The following PTN variants were observed in gnomAD, a reference collection of about 807,000 sequenced individuals.
PTN encodes heparin affin regulatory protein.
A neutral mutation model predicts 24.1 loss-of-function variants in PTN; 18 were observed. That is an observed-to-expected ratio of 0.75 (90% CI 0.52 to 1.11). The LOEUF is 1.11. PTN is among the 50% of genes least tolerant of loss of function. The pLI is 0.00. For synonymous variants in PTN, 78 were observed against 68.6 expected, an observed-to-expected ratio of 1.14 and a Z score of -0.67; for missense variants, 163 against 198.8, an observed-to-expected ratio of 0.82 and a Z score of 1.08.
At chr7:137,258,989 A>G (rs1484285269) in intron 1 of PTN, among the ~76,000 whole-genome samples, 4 of 152,018 alleles carry the variant, frequency 2.6e-5, no homozygotes, top group Non-Finnish European at 4.4e-5. Context: ...CTTGTTTCTC[A>G]CCCCCTTTTC....
chr7:137,267,140 TTC>T lies in PTN; in HGVS notation c.-1-12168_-1-12167del, dbSNP rs1337595236. 2.6e-5 allele frequency among the ~76,000 whole-genome samples: 4 copies of T among 152,036 alleles called. 1 individual carries two copies. The South Asian group carries it at 6.2e-4, about 24-fold the overall frequency. On this transcript the variant is annotated intron_variant, in intron 1 of 4. Transcript: ENST00000348225. ...GTATTTTTCTTAACTACTTGTATAT[TTC>T]TCTCTCTTGTTCTTTCTCTCTTTGA... is the stretch of plus-strand genomic sequence containing the variant.
chr7:137,297,625 CACA>C (rs1191011458), intron 1 of PTN, among the ~76,000 whole-genome samples: 2 of 151,868 alleles, frequency 1.3e-5, no homozygotes, highest in African/African-American at 2.4e-5. Context: ...TCTAAATACA[CACA>C]ACAACAACAA....
intron 1 of PTN, among the ~76,000 whole-genome samples, chr7:137,327,663 T>C (rs322330): frequency 1 from 151,630 of 152,290 alleles, 75,490 homozygotes; most frequent in East Asian, 1. Flanking sequence ...CTATCCTTTA[T>C]ATGCAGCCAC....
intron 4 of PTN, among the ~76,000 whole-genome samples, chr7:137,246,081 T>C (rs322303): frequency 6.6e-6 from 1 of 152,188 alleles, no homozygotes; most frequent in Non-Finnish European, 1.5e-5. Context: ...TAATGTCCTA[T>C]GCCTTCACAT....
chr7:137,286,093 C>T (rs1489417116), intron 1 of PTN, among the ~76,000 whole-genome samples: 1 of 152,068 alleles, frequency 6.6e-6, no homozygotes, highest in Non-Finnish European at 1.5e-5. Context: ...CTCATATGCA[C>T]CTAGTTTAGA....
intron 4 of PTN, among the ~76,000 whole-genome samples, chr7:137,239,645 GC>G (rs1246089262): frequency 6.6e-6 from 1 of 151,780 alleles, no homozygotes; most frequent in Non-Finnish European, 1.5e-5. Flanking sequence ...GTGAGAATAT[GC>G]GGTGTTTGGT....
intron 1 of PTN, among the ~76,000 whole-genome samples, chr7:137,261,447 A>G (rs957294528): frequency 2.4e-4 from 37 of 152,202 alleles, no homozygotes; most frequent in Non-Finnish European, 1.5e-5. Context: ...AGCAGTTAAA[A>G]TGATTTTACA....
chr7:137,299,513 C>A (rs985324015), intron 1 of PTN, among the ~76,000 whole-genome samples: 1 of 151,820 alleles, frequency 6.6e-6, no homozygotes, highest in Non-Finnish European at 1.5e-5. Flanking sequence ...CCATGGTACG[C>A]CCCTCTGAGA....
intron 1 of PTN, among the ~76,000 whole-genome samples, chr7:137,304,066 T>C (rs754320195): frequency 6.6e-6 from 1 of 152,028 alleles, no homozygotes; most frequent in Non-Finnish European, 1.5e-5. Context: ...TGGGAAGATA[T>C]GCAGCGTGGT....
intron 3 of PTN, 95 bp downstream of exon 3, chr7:137,253,369 T>C (rs1237992475): frequency 7.6e-7 from 1 of 1,307,432 alleles, no homozygotes; most frequent in Non-Finnish European, 1.0e-6. Context: ...TAAAGTTATT[T>C]AAAATAAAAA....
chr7:137,333,063 T>C (rs1810385179), intron 1 of PTN, among the ~76,000 whole-genome samples: 1 of 152,162 alleles, frequency 6.6e-6, no homozygotes, highest in African/African-American at 2.4e-5. Flanking sequence ...GTAGATTCCC[T>C]CATGAGTAGA....
At chr7:137,262,602 G>A (rs536598654) in intron 1 of PTN, among the ~76,000 whole-genome samples, 4 of 151,840 alleles carry the variant, frequency 2.6e-5, no homozygotes, top group East Asian at 1.9e-4. Flanking sequence ...GCAGCCTAGC[G>A]TCTTAAAATC....
chr7:137,273,776 C>T (rs1336330090), intron 1 of PTN, among the ~76,000 whole-genome samples: 2 of 152,026 alleles, frequency 1.3e-5, no homozygotes, highest in Admixed American at 6.6e-5. Flanking sequence ...GGAAAGACCA[C>T]GGAGAGGGGA....
At chr7:137,338,826 T>C (rs538917814) in intron 1 of PTN, among the ~76,000 whole-genome samples, 1 of 152,272 alleles carries the variant, frequency 6.6e-6, no homozygotes, top group South Asian at 2.1e-4. Flanking sequence ...TCCTTCAGTA[T>C]TCATTGAAAA....
At chr7:137,293,025 C>A (rs1455270928) in intron 1 of PTN, among the ~76,000 whole-genome samples, 2 of 152,168 alleles carry the variant, frequency 1.3e-5, no homozygotes, top group Non-Finnish European at 2.9e-5. Context: ...CTATCCTTTA[C>A]CCACATGCAT....
At chr7:137,233,045 T>G (rs966327855) in intron 4 of PTN, among the ~76,000 whole-genome samples, 2 of 151,976 alleles carry the variant, frequency 1.3e-5, no homozygotes, top group East Asian at 3.9e-4. Flanking sequence ...AATGGGCTAA[T>G]ACAGTAAATG....
rs145185649 is a variant in PTN at position 137,322,747 on chromosome 7, G to A, written c.-2+20692C>T. Among the ~76,000 whole-genome samples the A allele has an allele frequency of 7.4e-3, 1,120 of 152,066 alleles. 11 individuals carry two copies. Among genetic ancestry groups the A allele is most frequent in the African/African-American group, 0.026 (1,060 of 41,508 alleles). On this transcript the variant is annotated intron_variant, in intron 1 of 4. Coordinates refer to ENST00000348225, the MANE Select transcript of PTN (RefSeq NM_002825.7). ...TACAATACAGAATAAGCATTTTTCC[G>A]TGCCTTGGCAAATCATCATACACCT...
chr7:137,283,021 G>C (rs1222062962), intron 1 of PTN, among the ~76,000 whole-genome samples: 3 of 152,106 alleles, frequency 2.0e-5, no homozygotes, highest in African/African-American at 7.2e-5. Context: ...TGCTAGGCTA[G>C]AGTGGAGCAG....
At chr7:137,307,892 C>T (rs760130304) in intron 1 of PTN, among the ~76,000 whole-genome samples, 29 of 152,094 alleles carry the variant, frequency 1.9e-4, no homozygotes, top group Non-Finnish European at 3.5e-4. Flanking sequence ...TCTACTCCTG[C>T]GCTTGTTCCA....
Sources: gnomAD v4.1 joint callset for allele counts (sites outside exome capture counted in the v4.1 genomes callset) on GRCh38, gnomAD v4.1.1 for gene constraint, MANE v1.5 for transcripts, NCBI Gene and HGNC (gene_info 2026-07-23, HGNC 2026-07-21) for gene names.